The following GPC5 variants were observed in gnomAD, a reference collection of about 807,000 sequenced individuals.
GPC5 encodes the protein glypican-5.
A neutral mutation model predicts 53.9 loss-of-function variants in GPC5; 47 were observed. The ratio of observed to expected loss-of-function variants is 0.87; its 90% CI spans 0.69 to 1.11. GPC5 has a LOEUF of 1.11. GPC5 is among the 50% of genes most tolerant of loss of function. The pLI is 0.00. For missense variants in GPC5, 748 were observed against 713.1 expected (o/e 1.05, Z -0.56); for synonymous variants, 286 against 263.3 (o/e 1.09, Z -0.84).
At chr13:91,659,255 T>C (rs1238153157) in intron 2 of GPC5, among the ~76,000 whole-genome samples, 1 of 152,054 alleles carries the variant, frequency 6.6e-6, no homozygotes, top group Non-Finnish European at 1.5e-5. Flanking sequence ...AAAATGAGTA[T>C]AGTGTCAGGT....
chr13:92,689,559 C>A (rs1367624006), intron 7 of GPC5, among the ~76,000 whole-genome samples: 42 of 68,080 alleles, frequency 6.2e-4, no homozygotes, highest in Middle Eastern at 6.0e-3. Context: ...GAATTTAGTC[C>A]ATTTATATTT....
intron 7 of GPC5, among the ~76,000 whole-genome samples, chr13:92,775,330 T>C (rs1875763466): frequency 6.6e-6 from 1 of 152,182 alleles, no homozygotes; most frequent in South Asian, 2.1e-4. Context: ...AATGTTAACA[T>C]AGTGACCAAT....
intron 1 of GPC5, among the ~76,000 whole-genome samples, chr13:91,404,007 T>C (rs570375604): frequency 1.3e-5 from 2 of 152,314 alleles, no homozygotes; most frequent in Admixed American, 1.3e-4. Context: ...AGTTGTAAAA[T>C]TGGCTTAGGA....
At chr13:92,158,909 A>G (rs993994718) in intron 7 of GPC5, among the ~76,000 whole-genome samples, 3 of 152,186 alleles carry the variant, frequency 2.0e-5, no homozygotes, top group Non-Finnish European at 2.9e-5. Context: ...ATTTCAGACA[A>G]CCAATTTCAA....
chr13:91,659,743 G>A (rs903796885), intron 2 of GPC5, among the ~76,000 whole-genome samples: 1 of 152,060 alleles, frequency 6.6e-6, no homozygotes, highest in Non-Finnish European at 1.5e-5. Context: ...ATTACCACCT[G>A]TCCCCCACCG....
chr13:92,165,815 T>C lies in GPC5; in HGVS notation c.1561+20826T>C, dbSNP rs117388232. Among the ~76,000 whole-genome samples, 352 of 152,356 alleles carry C rather than the reference T, an allele frequency of 2.3e-3. 1 individual carries two copies. The highest frequency in any genetic ancestry group is 4.2e-3 in the Non-Finnish European group (287 of 68,028). ...TCCAGGCCTGTTCTGGATATATCCA[T>C]GTATTAACATATGTAATCTTAAAAC... On this transcript the variant is annotated intron_variant, in intron 7 of 7. Coordinates refer to ENST00000377067, the MANE Select transcript of GPC5 (RefSeq NM_004466.6).
chr13:92,021,036 A>G (rs1458731277), intron 6 of GPC5, among the ~76,000 whole-genome samples: 1 of 152,142 alleles, frequency 6.6e-6, no homozygotes, highest in African/African-American at 2.4e-5. Context: ...ATTCTTTTGC[A>G]TGTTGGTATC....
chr13:92,848,568 G>A (rs564806511), intron 7 of GPC5, among the ~76,000 whole-genome samples: 62 of 152,090 alleles, frequency 4.1e-4, no homozygotes, highest in African/African-American at 1.2e-3. Context: ...CAAGTAGATG[G>A]GATCAATATA....
Position 91,693,390 on chromosome 13 carries a change from C to A in GPC5, c.529C>A (p.His177Asn). The A allele has an allele frequency of 6.2e-7, 1 of 1,614,086 alleles. No individual in the cohort carries two copies. The highest frequency in any genetic ancestry group is 8.5e-7 in the Non-Finnish European group (1 of 1,179,998). The change falls in exon 3 of 8, where the codon CAC becomes AAC. Residue 177 changes from histidine (H) to asparagine (N), a missense_variant. By Grantham distance (68) the His-to-Asn change is moderately conservative. Coordinates refer to ENST00000377067, the MANE Select transcript of GPC5 (RefSeq NM_004466.6). ...FDSLFPLVYN[H>N]LINPGVTDSS... ...CAGTCTTTTTCCTCTGGTCTACAACCACCTCATTAACCCTGGTGTGACTGA... is the reference window on the plus strand; with the variant it reads ...CAGTCTTTTTCCTCTGGTCTACAACAACCTCATTAACCCTGGTGTGACTGA...
chr13:91,568,590 T>A (rs2031642474), intron 2 of GPC5, among the ~76,000 whole-genome samples: 1 of 151,600 alleles, frequency 6.6e-6, no homozygotes, highest in Admixed American at 6.6e-5. Context: ...AAGTTTAGTG[T>A]TTTTTTCTTG....
At chr13:92,463,976 G>A (rs563194031) in intron 7 of GPC5, among the ~76,000 whole-genome samples, 1 of 152,236 alleles carries the variant, frequency 6.6e-6, no homozygotes, top group Non-Finnish European at 1.5e-5. Context: ...AAATTCAGGG[G>A]AGGTGTGAGA....
chr13:92,227,307 A>G (rs1035514708), intron 7 of GPC5, among the ~76,000 whole-genome samples: 1 of 152,076 alleles, frequency 6.6e-6, no homozygotes, highest in African/African-American at 2.4e-5. Context: ...AAACGCAAAC[A>G]AAAAAACAGC....
intron 7 of GPC5, among the ~76,000 whole-genome samples, chr13:92,403,766 C>T (rs899633457): frequency 6.6e-6 from 1 of 152,074 alleles, no homozygotes; most frequent in Non-Finnish European, 1.5e-5. Flanking sequence ...CAATAAACTG[C>T]GAAGGTGTAA....
intron 6 of GPC5, among the ~76,000 whole-genome samples, chr13:91,968,704 T>A (rs952073714): frequency 2.0e-5 from 3 of 151,920 alleles, no homozygotes; most frequent in Non-Finnish European, 2.9e-5. Flanking sequence ...TCAGGTGATC[T>A]TCCCACCTCA....
rs529980804 is a variant in GPC5, at chr13:92,214,477, T to TA, written c.1561+69490dup. Among the ~76,000 whole-genome samples, 20 of 152,306 alleles carry TA rather than the reference T, an allele frequency of 1.3e-4. No individual in the cohort carries two copies. The South Asian group carries it at 3.7e-3, about 28-fold the overall frequency. On this transcript the variant is annotated intron_variant, in intron 7 of 7. Transcript: ENST00000377067. ...TAAAACTCTCCTTGATTTAGGTCCA[T>TA]AATTTACTATTAACTCCTTTAAGCC...
intron 7 of GPC5, among the ~76,000 whole-genome samples, chr13:92,483,216 G>T (rs1879422549): frequency 6.6e-6 from 1 of 152,158 alleles, no homozygotes; most frequent in African/African-American, 2.4e-5. Flanking sequence ...TACATTCTGA[G>T]AAATGCATGT....
At chr13:92,589,407 C>T (rs1331728336) in intron 7 of GPC5, among the ~76,000 whole-genome samples, 1 of 152,160 alleles carries the variant, frequency 6.6e-6, no homozygotes, top group South Asian at 2.1e-4. Context: ...AGACAATATT[C>T]TCTAATTCAC....
At chr13:91,564,275 C>G (rs752867827) in intron 2 of GPC5, among the ~76,000 whole-genome samples, 3 of 152,140 alleles carry the variant, frequency 2.0e-5, no homozygotes, top group Non-Finnish European at 4.4e-5. Flanking sequence ...CAAATATGAT[C>G]TATACCATAA....
rs904895330 is a variant in GPC5 at position 92,543,849 on chromosome 13, G to A, written c.1562-322433G>A. On this transcript the variant is annotated intron_variant, in intron 7 of 7. Transcript: ENST00000377067. ...TAAGTGTTATTTTTTAACTATTGCA[G>A]TTTACACTTTGCAACATAAAAATGC... is the stretch of plus-strand genomic sequence containing the variant. Among the ~76,000 whole-genome samples, 3 of 151,848 alleles carry A rather than the reference G, an allele frequency of 2.0e-5. No homozygotes were observed. The South Asian group carries it at 6.2e-4, about 32-fold the overall frequency.
Sources: gnomAD v4.1 joint callset for allele counts (sites outside exome capture counted in the v4.1 genomes callset) on GRCh38, gnomAD v4.1.1 for gene constraint, MANE v1.5 for transcripts, NCBI Gene and HGNC (gene_info 2026-07-23, HGNC 2026-07-21) for gene names.